Variants in ITPR3 observed in about 807,000 individuals in gnomAD.
ITPR3 encodes inositol 1,4,5-trisphosphate receptor type 3.
ITPR3 carries 173 observed loss-of-function variants against 293.2 expected under a neutral mutation model. That is an observed-to-expected ratio of 0.59 (90% CI 0.52 to 0.67). The LOEUF (loss-of-function observed/expected upper bound fraction) is 0.67. Ranked by LOEUF, ITPR3 falls within the 30% of genes least tolerant of loss-of-function variation. ITPR3 has a pLI of 0.00. For missense variants in ITPR3, 2,796 were observed against 3,592.1 expected (o/e 0.78, Z 5.66); for synonymous variants, 1,295 against 1,444.4 (o/e 0.90, Z 2.35).
At position 33,659,558 on chromosome 6, in the gene ITPR3, TG is replaced by T; in HGVS notation, c.711+12del. The T allele has an allele frequency of 6.2e-7, 1 of 1,611,084 alleles. No individual in the cohort carries two copies. On this transcript the variant is annotated intron_variant, in intron 7 of 57. Transcript: ENST00000605930. ...AGGAGGTGTTGAAAGGGGTAAGGAC[TG>T]GGAACCCCTGCCCTGCCCAGCTGGC...
chr6:33,633,415 A>G lies in ITPR3; in HGVS notation c.90-7069A>G, dbSNP rs1027247976. On this transcript the variant is annotated intron_variant, in intron 1 of 57. Coordinates refer to ENST00000605930, the MANE Select transcript of ITPR3 (RefSeq NM_002224.4). This position sits in a 1 kb window ranked among gnomAD's most constrained non-coding sequence, Gnocchi z 5.2. ...GCGCCCGGTGCGCACTCAGCAGGGC[A>G]CCTGTGGTCCGGCTAGTTTGATAAA... is the stretch of plus-strand genomic sequence containing the variant. Among the ~76,000 whole-genome samples the G allele has an allele frequency of 4.6e-5, 7 of 152,130 alleles. No homozygotes were observed. Among genetic ancestry groups the G allele is most frequent in the African/African-American group, 1.4e-4 (6 of 41,426 alleles).
chr6:33,632,874 A>G lies in ITPR3; in HGVS notation c.90-7610A>G, dbSNP rs1402575326. On this transcript the variant is annotated intron_variant, in intron 1 of 57. Transcript: ENST00000605930. This position sits in a 1 kb window ranked among gnomAD's most constrained non-coding sequence, Gnocchi z 4.1. ...TCAGCGTGGTCGCAGGAGATCCCAGAGGGTGGGGACCACACCCAGCACATA... is the reference window on the plus strand; with the variant it reads ...TCAGCGTGGTCGCAGGAGATCCCAGGGGGTGGGGACCACACCCAGCACATA... 6.6e-6 allele frequency among the ~76,000 whole-genome samples: 1 copy of G among 152,114 alleles called. No individual in the cohort carries two copies. Among genetic ancestry groups the G allele is most frequent in the Non-Finnish European group, 1.5e-5 (1 of 68,008 alleles).
chr6:33,692,459 G>A lies in ITPR3; in HGVS notation c.7459-269G>A, dbSNP rs984798107. Among the ~76,000 whole-genome samples the A allele has an allele frequency of 2.0e-5, 3 of 151,238 alleles. No individual in the cohort carries two copies. The highest frequency in any genetic ancestry group is 4.9e-5 in the African/African-American group (2 of 41,054). On this transcript the variant is annotated intron_variant, in intron 54 of 57. Coordinates refer to ENST00000605930, the MANE Select transcript of ITPR3 (RefSeq NM_002224.4). The surrounding 1 kb of genome is among the most constrained non-coding windows in gnomAD (Gnocchi z 4.2). ...CCGAGACTCGTAGCCCTACCTCCCC[G>A]CCAGACTCCTTCTGCAGGCCTCCAC...
In ITPR3 at chr6:33,688,579, G is replaced by T. The variant is rs576085298; in HGVS notation, c.6569-77G>T. The T allele has an allele frequency of 2.0e-4, 313 of 1,588,184 alleles. No individual in the cohort carries two copies. In the South Asian group the frequency reaches 3.2e-3, roughly 16 times the overall value. Reference sequence around the variant, plus strand: ...GCTCTTCCATGTGTGGCTTCCTCCTGAGCGGGGCCCCACATGCAAGGGGCA... The same window carrying T: ...GCTCTTCCATGTGTGGCTTCCTCCTTAGCGGGGCCCCACATGCAAGGGGCA... On this transcript the variant is annotated intron_variant, in intron 48 of 57. Coordinates refer to ENST00000605930, the MANE Select transcript of ITPR3 (RefSeq NM_002224.4).
intron 13 of ITPR3, 152 bp from the exon 14 acceptor site, chr6:33,665,683 G>A (rs1764591484): frequency 1.2e-6 from 1 of 818,844 alleles, no homozygotes; most frequent in Non-Finnish European, 1.9e-6. Context: ...GGAAAGCCGG[G>A]AAGAGGAATT....
chr6:33,683,216 G>A lies in ITPR3; in HGVS notation c.4607G>A (p.Arg1536Gln), dbSNP rs1485427055. The A allele has an allele frequency of 1.9e-5, 29 of 1,529,492 alleles. No homozygotes were observed. The highest frequency in any genetic ancestry group is 2.0e-5 in the Non-Finnish European group (23 of 1,130,226). The allele number at this position is 1,529,492 out of a possible 1,614,324, so 94.7% of individuals were successfully genotyped here. ...CTCCCTTCCCACCCAGCCAAGGGCC[G>A]GGCCATCTTGCTGCCCATGGACCTG... is the stretch of plus-strand genomic sequence containing the variant. ...IRTLAMVAKG[R>Q]AILLPMDLDA... is the part of the protein sequence containing the mutation. Residue 1536 changes from arginine (R) to glutamine (Q), a missense_variant, in exon 35 of 58, where the codon CGG becomes CAG. Around this residue, in one of 8 missense-constraint regions of ITPR3, gnomAD observed 704 missense variants for 797.5 expected, o/e 0.88. Coordinates refer to ENST00000605930, the MANE Select transcript of ITPR3 (RefSeq NM_002224.4). The surrounding 1 kb of genome is among the most constrained non-coding windows in gnomAD (Gnocchi z 4.5).
intron 1 of ITPR3, among the ~76,000 whole-genome samples, chr6:33,636,563 G>T (rs1763828713): frequency 6.6e-6 from 1 of 151,942 alleles, no homozygotes; most frequent in African/African-American, 2.4e-5. Context: ...GCCAAGGATA[G>T]GTCCAAGGTT....
chr6:33,656,734 G>A (rs1325869314), intron 3 of ITPR3, among the ~76,000 whole-genome samples: 1 of 152,206 alleles, frequency 6.6e-6, no homozygotes, highest in Non-Finnish European at 1.5e-5. Context: ...CTTTGGCTGT[G>A]GTCAAGAACT....
At position 33,690,126 on chromosome 6, in the gene ITPR3, C is replaced by A; in HGVS notation, c.6960C>A (p.Phe2320Leu). ...GYKAMVMDME[F>L]LYHVGYILTS... ...AGGCCATGGTCATGGACATGGAATT[C>A]CTCTACCACGTGGGCTACATCCTGA... is the stretch of plus-strand genomic sequence containing the variant. Residue 2320 changes from phenylalanine to leucine, a missense_variant, in exon 51 of 58, where the codon TTC (phenylalanine) becomes TTA (leucine). Coordinates refer to ENST00000605930, the MANE Select transcript of ITPR3 (RefSeq NM_002224.4). The A allele has an allele frequency of 6.2e-7, 1 of 1,614,204 alleles. No individual in the cohort carries two copies. The highest frequency in any genetic ancestry group is 8.5e-7 in the Non-Finnish European group (1 of 1,180,040).
At position 33,621,486 on chromosome 6, in the gene ITPR3, G is replaced by T; in HGVS notation, c.-117G>T. ...CCCGCCCCGGCCGCACCGAGCGTCG[G>T]GATCCGAGGTGGGAGCGTACCCCTC... On this transcript the variant is annotated 5_prime_UTR_variant, in exon 1 of 58. Coordinates refer to ENST00000605930, the MANE Select transcript of ITPR3 (RefSeq NM_002224.4). This position sits in a 1 kb window ranked among gnomAD's most constrained non-coding sequence, Gnocchi z 7.7. 1.5e-6 allele frequency: 1 copy of T among 657,792 alleles called. No individual in the cohort carries two copies. The highest frequency in any genetic ancestry group is 3.3e-5 in the Admixed American group (1 of 30,390). The allele number at this position is 657,792 out of a possible 1,614,324, so 40.7% of individuals were successfully genotyped here. A position where few individuals can be genotyped will look rare whatever the true frequency, so the allele number is the denominator to read the frequency against.
intron 21 of ITPR3, 134 bp downstream of exon 21, chr6:33,671,440 C>T: frequency 1.5e-6 from 1 of 670,344 alleles, no homozygotes. Flanking sequence ...AAGGGGATAT[C>T]TTGGGCCCAA....
chr6:33,649,308 C>T (rs1156295506), intron 2 of ITPR3, among the ~76,000 whole-genome samples: 1 of 152,202 alleles, frequency 6.6e-6, no homozygotes, highest in Non-Finnish European at 1.5e-5. Context: ...TCACTGCAAC[C>T]TCTCCCTCCT....
rs73408301 is a variant in ITPR3, at chr6:33,691,399, G to A, written c.7226-216G>A. Among the ~76,000 whole-genome samples the A allele has an allele frequency of 0.027, 4,167 of 152,220 alleles. 174 individuals are homozygous for A. The highest frequency in any genetic ancestry group is 0.092 in the African/African-American group (3,819 of 41,500). ...AACCCAGTATTTGCAGAAACTGCCC[G>A]TGTGCCAGGCCTAGGGGTACAGAGA... On this transcript the variant is annotated intron_variant, in intron 52 of 57. Transcript: ENST00000605930. The surrounding 1 kb of genome is among the most constrained non-coding windows in gnomAD (Gnocchi z 4.9).
chr6:33,642,104 A>AG (rs1763965563), intron 2 of ITPR3, among the ~76,000 whole-genome samples: 1 of 152,198 alleles, frequency 6.6e-6, no homozygotes, highest in South Asian at 2.1e-4. Flanking sequence ...ATGCATGCAC[A>AG]GGGCCCCTCC....
Position 33,693,651 on chromosome 6 carries a change from G to A in ITPR3, c.7731G>A (p.Val2577=). Residue 2577 remains valine (V), a synonymous_variant, in exon 56 of 58, where the codon GTG becomes GTA. Transcript: ENST00000605930. ...TGTACTTCATTGTGCTGGTCCGCGT[G>A]AAGAACAAGACCGACTACACGGGCC... ...NYLYFIVLVR[V]KNKTDYTGPE... is the part of the protein sequence containing the mutation. The A allele has an allele frequency of 6.2e-7, 1 of 1,614,244 alleles. No individual in the cohort carries two copies.
Position 33,670,120 on chromosome 6 carries a change from A to C in ITPR3, c.2190-205A>C, listed in dbSNP as rs10947426. ...TTCCCATGAAGACCTGTCCTGGCTG[A>C]GCCTTAGCCAGGAGGGGGAGAATTG... On this transcript the variant is annotated intron_variant, in intron 18 of 57. Coordinates refer to ENST00000605930, the MANE Select transcript of ITPR3 (RefSeq NM_002224.4). The surrounding 1 kb of genome is among the most constrained non-coding windows in gnomAD (Gnocchi z 6.7). Among the ~76,000 whole-genome samples, 18,500 of 152,102 alleles carry C rather than the reference A, an allele frequency of 0.12. 1,580 individuals carry two copies. The highest frequency in any genetic ancestry group is 0.21 in the Middle Eastern group (62 of 294).
chr6:33,663,382 AGGG>A, intron 9 of ITPR3, 115 bp from the exon 10 acceptor site: 2 of 222,886 alleles, frequency 9.0e-6, no homozygotes, highest in Non-Finnish European at 1.5e-5. Context: ...CACCCCTGGG[AGGG>A]TGCAGCCTGC....
Position 33,672,102 on chromosome 6 carries a change from C to T in ITPR3, c.2802C>T (p.Ser934=), listed in dbSNP as rs370555491. 27 of 1,613,714 alleles carry T rather than the reference C, an allele frequency of 1.7e-5. No homozygotes were observed. The highest frequency in any genetic ancestry group is 1.2e-4 in the African/African-American group (9 of 74,878). The stretch of plus-strand genomic sequence containing the variant: ...CCATGGTGCTGAGCCGCAAGCAGTC[C>T]GTCTTCAGTGCCCCCAGCCTGTCTG... The part of the protein sequence containing the change: ...MSTMVLSRKQ[S]VFSAPSLSAG... Residue 934 remains serine (S), a synonymous_variant, in exon 22 of 58, where the codon TCC becomes TCT. Coordinates refer to ENST00000605930, the MANE Select transcript of ITPR3 (RefSeq NM_002224.4). This position sits in a 1 kb window ranked among gnomAD's most constrained non-coding sequence, Gnocchi z 5.0.
chr6:33,650,826 G>C (rs1010803388), intron 2 of ITPR3, among the ~76,000 whole-genome samples: 43 of 150,726 alleles, frequency 2.9e-4, no homozygotes, highest in Non-Finnish European at 5.6e-4. Flanking sequence ...TTGAAGCAGA[G>C]AAGACATATC....
Sources: allele counts gnomAD v4.1 joint callset (sites outside exome capture counted in the v4.1 genomes callset), GRCh38; gene constraint gnomAD v4.1.1; regional missense constraint gnomAD v4.1.1; non-coding constraint Gnocchi (gnomAD v3.1); transcripts MANE v1.5; gene names NCBI Gene and HGNC (gene_info 2026-07-23, HGNC 2026-07-21).